The following SLC12A7 variants were observed in gnomAD, a reference collection of about 807,000 sequenced individuals.
SLC12A7 encodes solute carrier family 12 member 7, also known as K-Cl cotransporter 4.
A neutral mutation model predicts 120.6 loss-of-function variants in SLC12A7; 100 were observed. That is an observed-to-expected ratio of 0.83 (90% CI 0.71 to 0.98). The LOEUF is 0.98. Ranked by LOEUF, SLC12A7 falls within the 50% of genes least tolerant of loss-of-function variation. The probability of loss-of-function intolerance (pLI) is 0.00; values close to 1 mark genes in which losing one functional copy is unlikely to be tolerated. For synonymous variants in SLC12A7, 760 were observed against 678.0 expected (o/e 1.12, Z -1.88); for missense variants, 1,373 against 1,548.1 (o/e 0.89, Z 1.90).
chr5:1,117,705 T>C, the SLC12A7 span, among the ~76,000 whole-genome samples: 1 of 152,190 alleles, frequency 6.6e-6, no homozygotes, highest in Admixed American at 6.5e-5. This position sits in a 1 kb window ranked among gnomAD's most constrained non-coding sequence, Gnocchi z 4.5. Context: ...TTCAATTCCC[T>C]ATGAGTTCAT....
At chr5:1,120,461 G>T in the SLC12A7 span, among the ~76,000 whole-genome samples, 1 of 152,260 alleles carries the variant, frequency 6.6e-6, no homozygotes, top group Non-Finnish European at 1.5e-5. Context: ...TCGGCAGTGT[G>T]CCGGGGACAC....
At chr5:1,106,777 G>A (rs1168212825) in intron 1 of SLC12A7, among the ~76,000 whole-genome samples, 2 of 152,226 alleles carry the variant, frequency 1.3e-5, no homozygotes, top group African/African-American at 2.4e-5. Context: ...ACCGGGTCAC[G>A]CAAGCTGCCT....
At chr5:1,129,512 C>T in the SLC12A7 span, among the ~76,000 whole-genome samples, 3 of 152,112 alleles carry the variant, frequency 2.0e-5, no homozygotes, top group African/African-American at 2.4e-5. Flanking sequence ...TTTCCTGTGA[C>T]GCCCAGGACC....
In SLC12A7 at chr5:1,076,065, G is replaced by A. The variant is rs556415067; in HGVS notation, c.1847+73C>T. 384 of 1,268,556 alleles carry A rather than the reference G, an allele frequency of 3.0e-4. 1 individual carries two copies. The Middle Eastern group carries it at 9.9e-3, about 33-fold the overall frequency. The allele number at this position is 1,268,556 out of a possible 1,614,324, so 78.6% of individuals were successfully genotyped here. A position where few individuals can be genotyped will look rare whatever the true frequency, so the allele number is the denominator to read the frequency against. On this transcript the variant is annotated intron_variant, in intron 14 of 23. Coordinates refer to ENST00000264930, the MANE Select transcript of SLC12A7 (RefSeq NM_006598.3). ...GGGGCTCCTGACGCCTGTGCTGAGC[G>A]GCCTCACCAGTGGCAGAGGCACCCA...
upstream of SLC12A7, among the ~76,000 whole-genome samples, chr5:1,115,575 C>T (rs1416495371): frequency 6.6e-6 from 1 of 152,210 alleles, no homozygotes; most frequent in Non-Finnish European, 1.5e-5. Context: ...TGTCGGGTAT[C>T]AGGCAGGGCG....
At chr5:1,131,111 A>G in the SLC12A7 span, among the ~76,000 whole-genome samples, 1 of 152,088 alleles carries the variant, frequency 6.6e-6, no homozygotes, top group Non-Finnish European at 1.5e-5. Flanking sequence ...AGAGACTCAG[A>G]GCTCAGCGCC....
chr5:1,112,138 G>T, upstream of SLC12A7: 1 of 986,116 alleles, frequency 1.0e-6, no homozygotes, highest in Non-Finnish European at 1.3e-6. Flanking sequence ...TTGCCCCGCG[G>T]CCCCACGAAA....
chr5:1,082,705 A>G (rs112787720), intron 8 of SLC12A7, among the ~76,000 whole-genome samples: 2,059 of 82,280 alleles, frequency 0.025, no homozygotes, highest in African/African-American at 0.11. Flanking sequence ...CGGGCTTCCC[A>G]TCTCGGGTTC....
chr5:1,135,166 A>G, the SLC12A7 span, among the ~76,000 whole-genome samples: 3 of 152,232 alleles, frequency 2.0e-5, no homozygotes, highest in African/African-American at 7.2e-5. Flanking sequence ...CGGTTTGCTC[A>G]TCTGTAAGAT....
chr5:1,095,721 G>T (rs961130802), intron 1 of SLC12A7, among the ~76,000 whole-genome samples: 1 of 152,254 alleles, frequency 6.6e-6, no homozygotes, highest in African/African-American at 2.4e-5. Context: ...AGATGTGCCA[G>T]AGCCCACTGG....
chr5:1,052,415 T>C lies in SLC12A7; in HGVS notation c.3197A>G (p.Asn1066Ser). ...EFLEVLTEGL[N>S]RVLLVRGGGR... Reference sequence around the variant, plus strand: ...GCCACCCCTGACCAGGAGGACTCTGTTCAGCCCCTCGGTCAGGACTTCAAG... The same window carrying C: ...GCCACCCCTGACCAGGAGGACTCTGCTCAGCCCCTCGGTCAGGACTTCAAG... Residue 1066 changes from asparagine to serine, a missense_variant, in exon 24 of 24, where the codon AAC becomes AGC. Physicochemically the swap from Asn to Ser is conservative, Grantham distance 46 (BLOSUM62 1). Transcript: ENST00000264930. 1 of 1,612,892 alleles carries C rather than the reference T, an allele frequency of 6.2e-7. No individual in the cohort carries two copies. Among genetic ancestry groups the C allele is most frequent in the Non-Finnish European group, 8.5e-7 (1 of 1,179,964 alleles).
chr5:1,055,871 A>C (rs981427880), intron 22 of SLC12A7, among the ~76,000 whole-genome samples: 15 of 152,232 alleles, frequency 9.9e-5, no homozygotes, highest in African/African-American at 3.6e-4. Flanking sequence ...CAGTTTCTTG[A>C]GTCTGATTAA....
chr5:1,061,507 CGCCGCACCCGCCGCACCT>C (rs1392936213), intron 20 of SLC12A7, among the ~76,000 whole-genome samples: 2 of 108,658 alleles, frequency 1.8e-5, no homozygotes, highest in African/African-American at 7.8e-5. Flanking sequence ...GAGTCTCACC[CGCCGCACCCGCCGCACCT>C]GCCGCATCCG....
At chr5:1,093,437 C>T (rs1253619665) in intron 3 of SLC12A7, 96 bp downstream of exon 3, 2 of 1,256,664 alleles carry the variant, frequency 1.6e-6, no homozygotes, top group Admixed American at 2.1e-5. Flanking sequence ...GAGCTCAGGG[C>T]AGCTCTTCTG....
chr5:1,074,602 G>A lies in SLC12A7; in HGVS notation c.2037C>T (p.Arg679=), dbSNP rs375225666. 2.9e-5 allele frequency: 47 copies of A among 1,612,644 alleles called. No individual in the cohort carries two copies. The highest frequency in any genetic ancestry group is 8.9e-5 in the East Asian group (4 of 44,890). The change falls in exon 16 of 24, where the codon CGC becomes CGT. Residue 679 remains arginine (R), a synonymous_variant. Coordinates refer to ENST00000264930, the MANE Select transcript of SLC12A7 (RefSeq NM_006598.3). ...TGGTGTGGGGGGGACCGTGCTCCACGCGCAGCAGGGCGTAGCGGGCGGCGT... is the reference window on the plus strand; with the variant it reads ...TGGTGTGGGGGGGACCGTGCTCCACACGCAGCAGGGCGTAGCGGGCGGCGT... ...SLNAARYALL[R]VEHGPPHTKN... is the part of the protein sequence containing the mutation.
intron 7 of SLC12A7, 75 bp from the exon 8 acceptor site, chr5:1,084,031 C>T (rs890825877): frequency 2.3e-5 from 31 of 1,342,104 alleles, no homozygotes; most frequent in South Asian, 2.2e-4. Context: ...GCTCCCCCAA[C>T]GGGCACCCAT....
chr5:1,065,470 C>A lies in SLC12A7; in HGVS notation c.2250G>T (p.Arg750=), dbSNP rs1280532634. The change falls in exon 18 of 24, where the codon CGG becomes CGT. Residue 750 remains arginine (R), a synonymous_variant. Transcript: ENST00000264930. ...TGGTCTTCTCTGTGCTCATTAGGGA[C>A]CGTATGTTCTGCGGGAGACAGGACA... ...MEAQRAEENI[R]SLMSTEKTKG... 6.3e-7 allele frequency: 1 copy of A among 1,587,810 alleles called. No homozygotes were observed. Among genetic ancestry groups the A allele is most frequent in the South Asian group, 1.1e-5 (1 of 88,172 alleles).
chr5:1,083,865 C>T lies in SLC12A7; in HGVS notation c.1009G>A (p.Ala337Thr), dbSNP rs140054338. 3.7e-4 allele frequency: 599 copies of T among 1,608,000 alleles called. 3 individuals carry two copies. The highest frequency in any genetic ancestry group is 2.8e-3 in the Middle Eastern group (17 of 5,974). ...YGIHNNSATSALWGLFCNGSQ... is the reference protein window; with the variant it reads ...YGIHNNSATSTLWGLFCNGSQ... ...CCGTTGCAGAAGAGGCCCCAGAGCGCGGAGGTGGCTGAGTTGTTGTGGATG... is the reference window on the plus strand; with the variant it reads ...CCGTTGCAGAAGAGGCCCCAGAGCGTGGAGGTGGCTGAGTTGTTGTGGATG... The change falls in exon 8 of 24, where the codon GCG becomes ACG. Residue 337 changes from alanine (A) to threonine (T), a missense_variant. Transcript: ENST00000264930.
chr5:1,076,731 T>G lies in SLC12A7; in HGVS notation c.1711A>C (p.Ile571Leu). 3 of 1,611,534 alleles carry G rather than the reference T, an allele frequency of 1.9e-6. No individual in the cohort carries two copies. Among genetic ancestry groups the G allele is most frequent in the Non-Finnish European group, 2.5e-6 (3 of 1,179,912 alleles). ...TVLICETGIL[I>L]ASLDSVAPIL... ...GGGGCCACGCTGTCCAGAGAGGCGA[T>G]GAGGATGCCAGTCTCGCAGATGAGG... is the stretch of plus-strand genomic sequence containing the variant. The change falls in exon 13 of 24, where the codon ATC becomes CTC. Residue 571 changes from isoleucine (I) to leucine (L), a missense_variant. Physicochemically the swap from Ile to Leu is conservative, Grantham distance 5. Coordinates refer to ENST00000264930, the MANE Select transcript of SLC12A7 (RefSeq NM_006598.3).
Sources: gnomAD v4.1 joint callset for allele counts (sites outside exome capture counted in the v4.1 genomes callset) on GRCh38, gnomAD v4.1.1 for gene constraint, Gnocchi (gnomAD v3.1) non-coding constraint, MANE v1.5 for transcripts, NCBI Gene and HGNC (gene_info 2026-07-23, HGNC 2026-07-21) for gene names.